The following GMEB1 variants were observed in gnomAD, a reference collection of about 807,000 sequenced individuals.
GMEB1 encodes the protein glucocorticoid modulatory element-binding protein 1.
GMEB1 carries 6 observed loss-of-function variants against 52.4 expected under a neutral mutation model. That is an observed-to-expected ratio of 0.11 (90% CI 0.06 to 0.23). GMEB1 has a LOEUF of 0.23. Ranked by LOEUF, GMEB1 falls within the 10% of genes least tolerant of loss-of-function variation. GMEB1 has a pLI of 1.00. For missense variants in GMEB1, 486 were observed against 685.6 expected (o/e 0.71, Z 3.25); for synonymous variants, 255 against 244.9 (o/e 1.04, Z -0.38).
In GMEB1 at chr1:28,714,307, T is replaced by C. The variant is rs767581552; in HGVS notation, c.1226T>C (p.Met409Thr). Residue 409 changes from methionine to threonine, a missense_variant, in exon 10 of 10, where the codon ATG (methionine) becomes ACG (threonine). This residue lies in a region of GMEB1 where 153 missense variants were observed against 200.8 expected (regional missense o/e 0.76). Transcript: ENST00000373816. ...TITPVGQSFS[M>T]GNIPVATLSQ... ...ACCCCAGTGGGTCAGTCATTTTCCA[T>C]GGGCAATATTCCAGTGGCCACCCTC... 1 of 1,614,172 alleles carries C rather than the reference T, an allele frequency of 6.2e-7. No individual in the cohort carries two copies. The highest frequency in any genetic ancestry group is 8.5e-7 in the Non-Finnish European group (1 of 1,180,012).
At chr1:28,695,184 A>G (rs1261510225) in intron 5 of GMEB1, among the ~76,000 whole-genome samples, 2 of 150,006 alleles carry the variant, frequency 1.3e-5, no homozygotes, top group Non-Finnish European at 3.0e-5. Flanking sequence ...CCAGGCTGGT[A>G]TTGAACTCCT....
chr1:28,701,142 A>G (rs12046630), intron 6 of GMEB1, among the ~76,000 whole-genome samples: 57,157 of 151,830 alleles, frequency 0.38, 12,424 homozygotes, highest in East Asian at 0.76. Context: ...TTATTTGGCT[A>G]AAAGTCTTTT....
chr1:28,708,812 A>C (rs1308693519), intron 8 of GMEB1, among the ~76,000 whole-genome samples: 1 of 150,518 alleles, frequency 6.6e-6, no homozygotes, highest in African/African-American at 2.4e-5. Context: ...CCTGGGCAAC[A>C]TGGTGAAATC....
At chr1:28,691,564 T>G (rs1227160506) in intron 3 of GMEB1, 21 bp from the exon 4 acceptor site, 1 of 1,503,236 alleles carries the variant, frequency 6.7e-7, no homozygotes, top group Non-Finnish European at 9.0e-7. Context: ...GATAAATAAC[T>G]GATATTTTTT....
intron 1 of GMEB1, among the ~76,000 whole-genome samples, chr1:28,680,522 G>A (rs1376309183): frequency 1.3e-5 from 2 of 151,770 alleles, no homozygotes; most frequent in Non-Finnish European, 2.9e-5. Flanking sequence ...GGATCACGAG[G>A]TCAAGAGATC....
chr1:28,706,359 CTT>C (rs1419417603), intron 8 of GMEB1, among the ~76,000 whole-genome samples: 3 of 151,996 alleles, frequency 2.0e-5, no homozygotes, highest in Non-Finnish European at 2.9e-5. Context: ...AATCCCAGCA[CTT>C]TGGGAGGCTA....
At chr1:28,711,319 C>T (rs778566293) in intron 9 of GMEB1, among the ~76,000 whole-genome samples, 4 of 151,792 alleles carry the variant, frequency 2.6e-5, no homozygotes, top group South Asian at 2.1e-4. Flanking sequence ...ACCTTTAAAC[C>T]GTCAGAAAAC....
At chr1:28,712,945 G>A (rs1385847248) in intron 9 of GMEB1, among the ~76,000 whole-genome samples, 1 of 151,628 alleles carries the variant, frequency 6.6e-6, no homozygotes, top group African/African-American at 2.4e-5. Context: ...GAGGTCAGGA[G>A]ATCGAGACCA....
At chr1:28,690,687 TA>T (rs1669920997) in intron 3 of GMEB1, among the ~76,000 whole-genome samples, 1 of 152,056 alleles carries the variant, frequency 6.6e-6, no homozygotes, top group Admixed American at 6.6e-5. Context: ...TTAATTAATT[TA>T]AAAAACATCT....
At position 28,718,583 on chromosome 1, in the gene GMEB1, A is replaced by C. The variant is rs571051910; in HGVS notation, c.*3810A>C. The C allele has an allele frequency of 6.6e-6, 1 of 152,234 alleles. No homozygotes were observed. Among genetic ancestry groups the C allele is most frequent in the Non-Finnish European group, 1.5e-5 (1 of 68,044 alleles). The allele number at this position is 152,234 out of a possible 1,614,324, so 9.4% of individuals were successfully genotyped here. A position where few individuals can be genotyped will look rare whatever the true frequency, so the allele number is the denominator to read the frequency against. ...GCCACTGTACTCTAGCCCAGGTAACAGGGCAACATCCCCAGCTCAGAAAAC... is the reference window on the plus strand; with the variant it reads ...GCCACTGTACTCTAGCCCAGGTAACCGGGCAACATCCCCAGCTCAGAAAAC... On this transcript the variant is annotated 3_prime_UTR_variant, in exon 10 of 10. Transcript: ENST00000373816.
chr1:28,716,741 TG>T lies in GMEB1; in HGVS notation c.*1979del, dbSNP rs56214028. 0.52 allele frequency: 72,820 copies of T among 139,200 alleles called. 19,078 individuals carry two copies. Among genetic ancestry groups the T allele is most frequent in the African/African-American group, 0.63 (24,163 of 38,448 alleles). 8.6% of individuals were successfully genotyped at this position (139,200 alleles called of 1,614,324 possible). A position where few individuals can be genotyped will look rare whatever the true frequency, so the allele number is the denominator to read the frequency against. On this transcript the variant is annotated 3_prime_UTR_variant, in exon 10 of 10. Coordinates refer to ENST00000373816, the MANE Select transcript of GMEB1 (RefSeq NM_001319674.2). ...ACCAGGAATGTCAATAATAATGCTT[TG>T]GGGGGGGGGGTTATTTTGTTTTGTT...
Position 28,714,975 on chromosome 1 carries a change from G to T in GMEB1, c.*202G>T. The T allele has an allele frequency of 1.8e-6, 1 of 565,190 alleles. No individual in the cohort carries two copies. Among genetic ancestry groups the T allele is most frequent in the Middle Eastern group, 4.8e-4 (1 of 2,102 alleles). The allele number at this position is 565,190 out of a possible 1,614,324, so 35.0% of individuals were successfully genotyped here. A position where few individuals can be genotyped will look rare whatever the true frequency, so the allele number is the denominator to read the frequency against. On this transcript the variant is annotated 3_prime_UTR_variant, in exon 10 of 10. Coordinates refer to ENST00000373816, the MANE Select transcript of GMEB1 (RefSeq NM_001319674.2). ...AAAACAAGCTGCCCTTCCAGAAGTT[G>T]AGAGTAGGTCATTCAATGTCCTAAT...
At chr1:28,670,200 C>G (rs1203829610) in intron 1 of GMEB1, among the ~76,000 whole-genome samples, 5 of 144,158 alleles carry the variant, frequency 3.5e-5, no homozygotes, top group Admixed American at 7.2e-5. Flanking sequence ...GAGTCTCACT[C>G]TATCGCCCAG....
rs752665315 is a variant in GMEB1, at chr1:28,692,995, C to T, written c.390C>T (p.Ser130=). The T allele has an allele frequency of 1.9e-6, 3 of 1,609,680 alleles. No homozygotes were observed. In the East Asian group the frequency reaches 6.7e-5, roughly 36 times the overall value. The change falls in exon 5 of 10, where the codon TCC becomes TCT. Residue 130 remains serine, a synonymous_variant. Transcript: ENST00000373816. ...ACTTTGTTCATCTGGCTGGCAAGTC[C>T]ACTCTGAAGGACTGGAAGAGAGCTA... is the stretch of plus-strand genomic sequence containing the variant. ...PKHFVHLAGK[S]TLKDWKRAIR... is the part of the protein sequence containing the mutation.
intron 1 of GMEB1, 83 bp from the exon 2 acceptor site, chr1:28,683,500 A>G: frequency 8.3e-7 from 1 of 1,202,600 alleles, no homozygotes; most frequent in Non-Finnish European, 1.2e-6. Flanking sequence ...AAGTGCTGGG[A>G]TTCCAGGCGT....
intron 2 of GMEB1, among the ~76,000 whole-genome samples, chr1:28,689,512 C>G (rs910377036): frequency 6.6e-6 from 1 of 152,084 alleles, no homozygotes; most frequent in African/African-American, 2.4e-5. Flanking sequence ...TCCTGTAGTC[C>G]CAGCTACTCG....
chr1:28,683,417 A>T (rs1669486738), intron 1 of GMEB1, 166 bp from the exon 2 acceptor site: 1 of 505,622 alleles, frequency 2.0e-6, no homozygotes, highest in East Asian at 3.6e-5. Context: ...GTAGAGACAG[A>T]TTTCTCCATG....
At position 28,669,299 on chromosome 1, in the gene GMEB1, A is replaced by G. The variant is rs186031513; in HGVS notation, c.-31+460A>G. Among the ~76,000 whole-genome samples, 405 of 151,840 alleles carry G rather than the reference A, an allele frequency of 2.7e-3. 2 individuals carry two copies. The highest frequency in any genetic ancestry group is 9.5e-3 in the African/African-American group (393 of 41,466). On this transcript the variant is annotated intron_variant, in intron 1 of 9. Transcript: ENST00000373816. ...GTCCGGGGAGCCTGGGGTATCCCCAAAGGCGGGGTCCGGGGAGCACCGGGC... is the reference window on the plus strand; with the variant it reads ...GTCCGGGGAGCCTGGGGTATCCCCAGAGGCGGGGTCCGGGGAGCACCGGGC...
chr1:28,705,703 G>A (rs184912432), intron 8 of GMEB1, among the ~76,000 whole-genome samples: 131 of 150,532 alleles, frequency 8.7e-4, no homozygotes, highest in African/African-American at 3.1e-3. Context: ...CGCCCGCCTC[G>A]GCCTCCCAAA....
Sources: allele counts gnomAD v4.1 joint callset (sites outside exome capture counted in the v4.1 genomes callset), GRCh38; gene constraint gnomAD v4.1.1; regional missense constraint gnomAD v4.1.1; transcripts MANE v1.5; gene names NCBI Gene and HGNC (gene_info 2026-07-23, HGNC 2026-07-21).